Variants in FEZ2 observed in about 807,000 individuals in gnomAD.
The protein encoded by FEZ2 is fasciculation and elongation protein zeta-2.
Under a neutral mutation model 40.4 loss-of-function variants are expected in FEZ2, and 51 were observed. The ratio of observed to expected loss-of-function variants is 1.26; its 90% CI spans 1.01 to 1.59. The LOEUF (loss-of-function observed/expected upper bound fraction) is 1.59. Ranked by LOEUF, FEZ2 falls within the 40% of genes most tolerant of loss-of-function variation. The pLI is 0.00. For missense variants in FEZ2, 640 were observed against 438.3 expected (o/e 1.46, Z -4.11); for synonymous variants, 242 against 172.0 (o/e 1.41, Z -3.18).
At chr2:36,555,395 T>A in intron 7 of FEZ2, 1 of 233,750 alleles carries the variant, frequency 4.3e-6, no homozygotes, top group Non-Finnish European at 8.2e-6. Context: ...GATACCCACA[T>A]GATTATGGTG....
chr2:36,583,512 T>C (rs1305646892), intron 2 of FEZ2, 43 bp from the exon 3 acceptor site: 4 of 1,025,976 alleles, frequency 3.9e-6, no homozygotes, highest in East Asian at 4.7e-5. Flanking sequence ...GACATCCTCA[T>C]CAAAACAAAG....
chr2:36,575,062 A>T (rs72868469), intron 5 of FEZ2, among the ~76,000 whole-genome samples: 1,937 of 152,248 alleles, frequency 0.013, 42 homozygotes, highest in African/African-American at 0.044. Flanking sequence ...GGTTTTCTTC[A>T]TGGCCTTTAT....
At chr2:36,596,957 G>A (rs934854892) in intron 1 of FEZ2, among the ~76,000 whole-genome samples, 1 of 152,084 alleles carries the variant, frequency 6.6e-6, no homozygotes, top group Non-Finnish European at 1.5e-5. Flanking sequence ...GTGCCCTCAG[G>A]AACTCTGCGC....
intron 4 of FEZ2, chr2:36,579,115 A>G (rs751788375): frequency 2.3e-6 from 1 of 427,030 alleles, no homozygotes; most frequent in African/African-American, 2.0e-5. Context: ...AAAGTCTAAC[A>G]AAAGTTTTTA....
At position 36,578,974 on chromosome 2, in the gene FEZ2, A is replaced by C. The variant is rs985666977; in HGVS notation, c.635-109T>G. 5.9e-6 allele frequency: 5 copies of C among 853,272 alleles called. No individual in the cohort carries two copies. The East Asian group carries it at 1.2e-4, about 21-fold the overall frequency. 52.9% of individuals were successfully genotyped at this position (853,272 alleles called of 1,614,324 possible). ...AATAAACACCTATGTAATCAATGCC[A>C]AAGAGCAAAAATCATATTCCAAGCA... On this transcript the variant is annotated intron_variant, in intron 4 of 7. Transcript: ENST00000405912.
Position 36,552,434 on chromosome 2 carries a change from T to C in FEZ2, c.*729A>G. 2.9e-6 allele frequency: 1 copy of C among 340,716 alleles called. No individual in the cohort carries two copies. 21.1% of individuals were successfully genotyped at this position (340,716 alleles called of 1,614,324 possible). The stretch of plus-strand genomic sequence containing the variant: ...GAATGGGCAGTTCTGCAGTGTACAC[T>C]TTCTCAAGCACCTCAGAGGACACAC... On this transcript the variant is annotated 3_prime_UTR_variant, in exon 8 of 8. Transcript: ENST00000405912.
Position 36,581,289 on chromosome 2 carries a change from C to T in FEZ2, c.634+1G>A. 5 of 1,613,526 alleles carry T rather than the reference C, an allele frequency of 3.1e-6. No individual in the cohort carries two copies. The highest frequency in any genetic ancestry group is 2.2e-5 in the South Asian group (2 of 91,032). On this transcript the variant is annotated splice_donor_variant, in intron 4 of 7. Coordinates refer to ENST00000405912, the MANE Select transcript of FEZ2 (RefSeq NM_005102.3). LOFTEE classifies it high-confidence loss of function. ...TCATTGATTTCAGCAGGCTCCCTTA[C>T]TCTCTTCATAACTGCCGGTACTAGA...
intron 5 of FEZ2, among the ~76,000 whole-genome samples, chr2:36,561,906 C>A (rs1179568890): frequency 5.3e-5 from 8 of 152,212 alleles, no homozygotes; most frequent in Admixed American, 3.9e-4. Flanking sequence ...TAGTTTCATC[C>A]AGTGGTTCTC....
At chr2:36,590,782 C>G (rs1004002142) in intron 2 of FEZ2, 121 bp downstream of exon 2, 4 of 662,110 alleles carry the variant, frequency 6.0e-6, no homozygotes, top group Non-Finnish European at 1.1e-5. Context: ...GCCACCCAAA[C>G]TGCTATAATT....
In FEZ2 at chr2:36,581,388, G is replaced by A. The variant is rs1261995651; in HGVS notation, c.536C>T (p.Pro179Leu). ...IEEMMQESPD[P>L]EDDETPTQSD... ...CTGTGTAGGGGTTTCATCATCTTCT[G>A]GGTCCGGTGATTCCTGCATCATTTC... The change falls in exon 4 of 8, where the codon CCA (proline) becomes CTA (leucine). Residue 179 changes from proline to leucine, a missense_variant. By Grantham distance (98) the Pro-to-Leu change is moderately conservative. Coordinates refer to ENST00000405912, the MANE Select transcript of FEZ2 (RefSeq NM_005102.3). 8 of 1,613,294 alleles carry A rather than the reference G, an allele frequency of 5.0e-6. No homozygotes were observed. The East Asian group carries it at 6.7e-5, about 13-fold the overall frequency.
At chr2:36,573,463 CA>C in intron 5 of FEZ2, among the ~76,000 whole-genome samples, 1 of 152,290 alleles carries the variant, frequency 6.6e-6, no homozygotes, top group East Asian at 1.9e-4. Flanking sequence ...CTGGCTCCCC[CA>C]ATAAAAATCC....
chr2:36,554,235 C>T (rs765044621), intron 7 of FEZ2: 10 of 471,008 alleles, frequency 2.1e-5, no homozygotes, highest in South Asian at 4.6e-5. Flanking sequence ...CTAAGGCATG[C>T]GGTATAGGTA....
chr2:36,583,137 C>T (rs536442623), intron 3 of FEZ2, among the ~76,000 whole-genome samples: 1 of 152,156 alleles, frequency 6.6e-6, no homozygotes, highest in African/African-American at 2.4e-5. Context: ...TTCAACAAGG[C>T]CTCTGTTGGA....
rs114489582 is a variant in FEZ2 at position 36,559,562 on chromosome 2, G to A, written c.904-1049C>T. ...CTGCATAGTTCAATCTCTGAGACAC[G>A]TTAAGTGTCCCACCGTCTTTTTGAC... On this transcript the variant is annotated intron_variant, in intron 5 of 7. Transcript: ENST00000405912. Among the ~76,000 whole-genome samples the A allele has an allele frequency of 4.6e-3, 699 of 152,336 alleles. 4 individuals are homozygous for A. The highest frequency in any genetic ancestry group is 0.016 in the African/African-American group (654 of 41,572).
chr2:36,573,271 A>G lies in FEZ2; in HGVS notation c.903+5326T>C, dbSNP rs575728798. Among the ~76,000 whole-genome samples the G allele has an allele frequency of 2.2e-4, 33 of 152,360 alleles. 1 individual carries two copies. The South Asian group carries it at 3.5e-3, about 16-fold the overall frequency. On this transcript the variant is annotated intron_variant, in intron 5 of 7. Coordinates refer to ENST00000405912, the MANE Select transcript of FEZ2 (RefSeq NM_005102.3). The stretch of plus-strand genomic sequence containing the variant: ...GGGTAACTATTCCATTTTCATACAT[A>G]TAAGTTTACTAAGTTATGATGCTAA...
At chr2:36,575,904 GAAGCTATTCTATACTT>G (rs1257922373) in intron 5 of FEZ2, among the ~76,000 whole-genome samples, 4 of 151,838 alleles carry the variant, frequency 2.6e-5, no homozygotes, top group Non-Finnish European at 5.9e-5. Flanking sequence ...AAGAAAAATG[GAAGCTATTCTATACTT>G]AACGAAAAAC....
At chr2:36,553,889 C>T (rs777033533) in intron 7 of FEZ2, among the ~76,000 whole-genome samples, 20 of 152,104 alleles carry the variant, frequency 1.3e-4, no homozygotes, top group Non-Finnish European at 2.9e-4. Context: ...ATTATTGGTC[C>T]CCAAGGAAGA....
At chr2:36,595,875 C>A (rs1286575097) in intron 1 of FEZ2, among the ~76,000 whole-genome samples, 2 of 152,160 alleles carry the variant, frequency 1.3e-5, no homozygotes, top group Non-Finnish European at 2.9e-5. Context: ...TATTTTTAAG[C>A]AAAGGCTAAA....
chr2:36,559,610 C>CCAATCA (rs1184770118), intron 5 of FEZ2, among the ~76,000 whole-genome samples: 5 of 152,090 alleles, frequency 3.3e-5, no homozygotes, highest in African/African-American at 1.2e-4. Context: ...CAGGTGATGC[C>CCAATCA]CAATTGTATA....
Sources: allele counts gnomAD v4.1 joint callset (sites outside exome capture counted in the v4.1 genomes callset), GRCh38; gene constraint gnomAD v4.1.1; transcripts MANE v1.5; gene names NCBI Gene and HGNC (gene_info 2026-07-23, HGNC 2026-07-21).